Variants in LRP1B observed in about 807,000 individuals in gnomAD.
LRP1B encodes LDL receptor related protein 1B.
A neutral mutation model predicts 556.6 loss-of-function variants in LRP1B; 217 were observed. That is an observed-to-expected ratio of 0.39 (90% CI 0.35 to 0.44). LRP1B has a LOEUF of 0.44. LRP1B is among the 20% of genes least tolerant of loss of function. LRP1B has a pLI of 1.00. For missense variants in LRP1B, 5,053 were observed against 5,620.8 expected (o/e 0.90, Z 3.23); for synonymous variants, 2,047 against 1,865.8 (o/e 1.10, Z -2.50).
chr2:140,367,205 G>A (rs1288947253), intron 71 of LRP1B, among the ~76,000 whole-genome samples: 1 of 151,756 alleles, frequency 6.6e-6, no homozygotes, highest in Non-Finnish European at 1.5e-5. Flanking sequence ...AGATTTGAGA[G>A]AGTTGCCTTT....
intron 66 of LRP1B, among the ~76,000 whole-genome samples, chr2:140,414,752 A>G (rs536579312): frequency 6.6e-6 from 1 of 152,264 alleles, no homozygotes; most frequent in Admixed American, 6.5e-5. Context: ...AACTGTACAA[A>G]TTGATTGTAA....
intron 35 of LRP1B, among the ~76,000 whole-genome samples, chr2:140,766,204 T>TA (rs1689099222): frequency 8.4e-5 from 4 of 47,576 alleles, no homozygotes; most frequent in Non-Finnish European, 2.0e-4. Flanking sequence ...AGGTCATGAT[T>TA]TAAAAAAAAA....
chr2:140,754,732 C>A (rs1250276637), intron 35 of LRP1B, among the ~76,000 whole-genome samples: 1 of 150,070 alleles, frequency 6.7e-6, no homozygotes, highest in Non-Finnish European at 1.5e-5. Context: ...GAAGAAAGAT[C>A]TCAAATCAAT....
At chr2:140,688,473 A>G (rs1033369186) in intron 41 of LRP1B, among the ~76,000 whole-genome samples, 2 of 151,970 alleles carry the variant, frequency 1.3e-5, no homozygotes, top group African/African-American at 4.8e-5. Context: ...AACAAAAAAA[A>G]GAAAATGAGT....
At chr2:140,942,924 C>T (rs67240755) in intron 20 of LRP1B, among the ~76,000 whole-genome samples, 3,841 of 152,178 alleles carry the variant, frequency 0.025, 52 homozygotes, top group Non-Finnish European at 0.03. Context: ...ACGAAAATCT[C>T]TTATATCAAT....
chr2:141,016,277 T>G (rs1438499947), intron 12 of LRP1B, among the ~76,000 whole-genome samples: 1 of 152,054 alleles, frequency 6.6e-6, no homozygotes, highest in African/African-American at 2.4e-5. Context: ...GTTGTCCACT[T>G]CAAAAAGTAT....
Position 140,813,694 on chromosome 2 carries a change from T to C in LRP1B, c.5322A>G (p.Lys1774=), listed in dbSNP as rs1482732320. 1.2e-6 allele frequency: 2 copies of C among 1,613,452 alleles called. No homozygotes were observed. The highest frequency in any genetic ancestry group is 1.7e-6 in the Non-Finnish European group (2 of 1,179,616). The change falls in exon 32 of 91, where the codon AAA becomes AAG. Residue 1774 remains lysine (K), a synonymous_variant. Coordinates refer to ENST00000389484, the MANE Select transcript of LRP1B (RefSeq NM_018557.3). The stretch of plus-strand genomic sequence containing the variant: ...GGGCTGTAGCTTTTGTTAATTCTTC[T>C]TTCATTGACTCGATTACTTCTAAAT... The part of the protein sequence containing the change: ...GGNLEVIESM[K]EELTKATALT...
At chr2:141,010,401 A>G (rs1055811247) in intron 14 of LRP1B, among the ~76,000 whole-genome samples, 2 of 152,218 alleles carry the variant, frequency 1.3e-5, no homozygotes, top group East Asian at 1.9e-4. Flanking sequence ...ATATCTTTAC[A>G]CTAAATCCCC....
chr2:141,321,780 C>A (rs773191479), intron 3 of LRP1B, among the ~76,000 whole-genome samples: 2 of 152,016 alleles, frequency 1.3e-5, no homozygotes, highest in Non-Finnish European at 2.9e-5. Flanking sequence ...AAGTGAAATA[C>A]AAAAACTTAT....
At chr2:140,357,503 T>C (rs990236673) in intron 74 of LRP1B, among the ~76,000 whole-genome samples, 14 of 151,502 alleles carry the variant, frequency 9.2e-5, no homozygotes, top group Admixed American at 8.6e-4. Flanking sequence ...AGACACAAAC[T>C]ATTCGCAATC....
chr2:141,237,353 G>GGTTTTTTTTTTTTTTTTTTT (rs398039112), intron 5 of LRP1B, among the ~76,000 whole-genome samples: 1 of 93,636 alleles, frequency 1.1e-5, no homozygotes. Context: ...GTGTTCTAGT[G>GGTTTTTTTTTTTTTTTTTTT]TTTTTTTTTT....
chr2:140,478,418 T>G (rs11903140), intron 59 of LRP1B, among the ~76,000 whole-genome samples: 7,301 of 152,124 alleles, frequency 0.048, 210 homozygotes, highest in African/African-American at 0.052. Flanking sequence ...CAAAGTGCTG[T>G]GGTTACAGGC....
At chr2:140,520,943 C>T (rs1197492245) in intron 49 of LRP1B, among the ~76,000 whole-genome samples, 1 of 150,532 alleles carries the variant, frequency 6.6e-6, no homozygotes, top group Admixed American at 6.7e-5. Context: ...TTAGACCAAG[C>T]AGAAGAAAGA....
At chr2:140,250,717 A>C (rs1681374444) in intron 86 of LRP1B, among the ~76,000 whole-genome samples, 1 of 151,780 alleles carries the variant, frequency 6.6e-6, no homozygotes, top group South Asian at 2.1e-4. Flanking sequence ...CATATATCAG[A>C]GAATTCAAGT....
At chr2:141,171,758 A>ACCTCTCC (rs1275156448) in intron 7 of LRP1B, among the ~76,000 whole-genome samples, 2 of 152,036 alleles carry the variant, frequency 1.3e-5, no homozygotes, top group East Asian at 3.9e-4. Context: ...ATGGGTAGGT[A>ACCTCTCC]ATTGCACCTC....
chr2:140,444,701 T>A (rs2105305371), intron 63 of LRP1B, 22 bp from the exon 64 acceptor site: 1 of 1,458,866 alleles, frequency 6.9e-7, no homozygotes, highest in African/African-American at 1.4e-5. Flanking sequence ...AGCATAGATA[T>A]TGTGGAATGG....
intron 1 of LRP1B, among the ~76,000 whole-genome samples, chr2:141,910,492 A>ATT (rs11447454): frequency 6.6e-6 from 1 of 151,756 alleles, no homozygotes; most frequent in Non-Finnish European, 1.5e-5. Context: ...TGAAATATAC[A>ATT]TTTTTTCTAG....
chr2:141,201,549 C>T (rs568818319), intron 6 of LRP1B, among the ~76,000 whole-genome samples: 30 of 151,834 alleles, frequency 2.0e-4, no homozygotes, highest in South Asian at 1.7e-3. Context: ...CTTTAGATTA[C>T]GTTTTGATTT....
chr2:141,059,164 G>A (rs1312331706), intron 8 of LRP1B, 110 bp from the exon 9 acceptor site: 9 of 635,474 alleles, frequency 1.4e-5, no homozygotes, highest in Middle Eastern at 4.6e-4. Flanking sequence ...CAGAAGAACC[G>A]CAAGGATGTT....
Sources: allele counts gnomAD v4.1 joint callset (sites outside exome capture counted in the v4.1 genomes callset), GRCh38; gene constraint gnomAD v4.1.1; transcripts MANE v1.5; gene names NCBI Gene and HGNC (gene_info 2026-07-23, HGNC 2026-07-21).